The following NEDD4 variants were observed in gnomAD, a reference collection of about 807,000 sequenced individuals.
NEDD4 encodes E3 ubiquitin-protein ligase NEDD4.
Under a neutral mutation model 144.9 loss-of-function variants are expected in NEDD4, and 99 were observed. The ratio of observed to expected loss-of-function variants is 0.68; its 90% CI spans 0.58 to 0.81. The LOEUF is 0.81. Among genes scored for constraint, NEDD4 ranks in the 30% least tolerant of loss-of-function variants. The pLI is 0.00. For synonymous variants in NEDD4, 318 were observed against 350.6 expected, an observed-to-expected ratio of 0.91 and a Z score of 1.04; for missense variants, 985 against 1,065.9, an observed-to-expected ratio of 0.92 and a Z score of 1.06.
chr15:55,964,692 GGTGT>G (rs58177503), intron 2 of NEDD4, among the ~76,000 whole-genome samples: 74,950 of 136,890 alleles, frequency 0.55, 20,315 homozygotes, highest in East Asian at 0.7. Context: ...TTTTGCTGCT[GGTGT>G]GTGTGTGTGT....
Position 55,860,785 on chromosome 15 carries a change from TG to T in NEDD4, c.675-8del. 6.2e-7 allele frequency: 1 copy of T among 1,611,784 alleles called. No individual in the cohort carries two copies. Among genetic ancestry groups the T allele is most frequent in the South Asian group, 1.1e-5 (1 of 90,828 alleles). On this transcript the variant is annotated splice_polypyrimidine_tract_variant and splice_region_variant and intron_variant, in intron 9 of 28. Coordinates refer to ENST00000435532, the MANE Select transcript of NEDD4 (RefSeq NM_006154.4). ...AGCATCTGTTAGGTTGTCCCTATAT[TG>T]GAAGTATAAAAAGCCATCATCCATG...
chr15:55,891,339 G>C (rs1349284779), intron 5 of NEDD4, among the ~76,000 whole-genome samples: 1 of 152,174 alleles, frequency 6.6e-6, no homozygotes, highest in Admixed American at 6.5e-5. Flanking sequence ...AACTATCCTG[G>C]AAAGTCTGGG....
In NEDD4 at chr15:55,857,783, A is replaced by T. The variant is rs186439787; in HGVS notation, c.961-1587T>A. 3.1e-3 allele frequency among the ~76,000 whole-genome samples: 475 copies of T among 152,206 alleles called. 3 individuals are homozygous for T. Among genetic ancestry groups the T allele is most frequent in the African/African-American group, 0.01 (430 of 41,536 alleles). On this transcript the variant is annotated intron_variant, in intron 11 of 28. Coordinates refer to ENST00000435532, the MANE Select transcript of NEDD4 (RefSeq NM_006154.4). The stretch of plus-strand genomic sequence containing the variant: ...TACCAAGTCTTTACAAAAATTTTTT[A>T]AAAAAATTAGCAGGGGTACAATGGC...
chr15:55,843,198 T>C (rs2033593926), intron 18 of NEDD4, among the ~76,000 whole-genome samples: 2 of 152,208 alleles, frequency 1.3e-5, no homozygotes, highest in Non-Finnish European at 2.9e-5. Flanking sequence ...CTCTTCCTTT[T>C]GTAAATTGCC....
intron 2 of NEDD4, among the ~76,000 whole-genome samples, chr15:55,953,648 G>C (rs1489545244): frequency 6.6e-6 from 1 of 151,978 alleles, no homozygotes. Flanking sequence ...TGCCATCTTG[G>C]CCAGGCTGGT....
chr15:55,875,171 A>G (rs2034951345), intron 5 of NEDD4, among the ~76,000 whole-genome samples: 1 of 152,190 alleles, frequency 6.6e-6, no homozygotes, highest in African/African-American at 2.4e-5. Context: ...ATCATGGAAT[A>G]AGCAGACAAG....
At chr15:55,951,089 T>C (rs1431418544) in intron 4 of NEDD4, among the ~76,000 whole-genome samples, 1 of 152,166 alleles carries the variant, frequency 6.6e-6, no homozygotes, top group East Asian at 1.9e-4. Flanking sequence ...ATAAATATAA[T>C]TTGCATCATC....
Position 55,856,135 on chromosome 15 carries a change from G to A in NEDD4, c.1022C>T (p.Pro341Leu). 6.2e-7 allele frequency: 1 copy of A among 1,612,294 alleles called. No homozygotes were observed. The highest frequency in any genetic ancestry group is 8.5e-7 in the Non-Finnish European group (1 of 1,178,580). ...AYTFEEQPTL[P>L]VLLPTSSGLP... ...ATGGGAGAGGGTAAAACTCACCACA[G>A]GAAGTGTAGGTTGTTCCTCAAAAGT... Residue 341 changes from proline to leucine, a missense_variant, in exon 12 of 29, where the codon CCT becomes CTT. Physicochemically the swap from Pro to Leu is moderately conservative, Grantham distance 98 (BLOSUM62 -3). Transcript: ENST00000435532.
At position 55,931,828 on chromosome 15, in the gene NEDD4, A is replaced by G. The variant is rs77000091; in HGVS notation, c.238-7129T>C. Among the ~76,000 whole-genome samples the G allele has an allele frequency of 9.5e-3, 1,440 of 152,284 alleles. 37 individuals are homozygous for G. The highest frequency in any genetic ancestry group is 0.033 in the African/African-American group (1,382 of 41,558). ...ATTCAATGGTTTTTAATATATTCAG[A>G]GAATGTGCAACCATCACCACAATTT... On this transcript the variant is annotated intron_variant, in intron 4 of 28. Coordinates refer to ENST00000435532, the MANE Select transcript of NEDD4 (RefSeq NM_006154.4).
In NEDD4 at chr15:55,944,260, T is replaced by C. The variant is rs547699322; in HGVS notation, c.237+7116A>G. Reference sequence around the variant, plus strand: ...AAAAGAAGCTGTGATAAACTGTACCTGGAAAAACAGGACACTTCTGGCCAA... The same window carrying C: ...AAAAGAAGCTGTGATAAACTGTACCCGGAAAAACAGGACACTTCTGGCCAA... On this transcript the variant is annotated intron_variant, in intron 4 of 28. Coordinates refer to ENST00000435532, the MANE Select transcript of NEDD4 (RefSeq NM_006154.4). 3.8e-4 allele frequency among the ~76,000 whole-genome samples: 58 copies of C among 152,336 alleles called. 1 individual carries two copies. The highest frequency in any genetic ancestry group is 1.3e-3 in the African/African-American group (56 of 41,596).
chr15:55,969,056 T>C (rs1349745883), intron 1 of NEDD4, among the ~76,000 whole-genome samples: 1 of 152,164 alleles, frequency 6.6e-6, no homozygotes, highest in African/African-American at 2.4e-5. Context: ...AGTCTTGAAT[T>C]GCCCACACCA....
intron 1 of NEDD4, among the ~76,000 whole-genome samples, chr15:55,990,571 C>A (rs1355819529): frequency 2.6e-5 from 4 of 152,188 alleles, no homozygotes; most frequent in African/African-American, 7.2e-5. Context: ...TGCTTATCAG[C>A]AGAAAAAGCC....
chr15:55,917,462 T>TA (rs1377168318), intron 5 of NEDD4, among the ~76,000 whole-genome samples: 1 of 140,064 alleles, frequency 7.1e-6, no homozygotes, highest in Non-Finnish European at 1.6e-5. Context: ...TAGGGACTGT[T>TA]AATTTTTTTT....
intron 5 of NEDD4, among the ~76,000 whole-genome samples, chr15:55,890,486 T>C (rs2142118958): frequency 6.6e-6 from 1 of 152,344 alleles, no homozygotes; most frequent in East Asian, 1.9e-4. Flanking sequence ...TTATTTTACT[T>C]AGTATGTTTC....
chr15:55,921,257 T>C (rs546847531), intron 5 of NEDD4, among the ~76,000 whole-genome samples: 3 of 152,244 alleles, frequency 2.0e-5, no homozygotes, highest in Middle Eastern at 3.4e-3. Flanking sequence ...GGTTACAAGC[T>C]AATACCCCAA....
chr15:55,865,173 G>C (rs569483550), intron 8 of NEDD4, among the ~76,000 whole-genome samples: 2 of 149,354 alleles, frequency 1.3e-5, no homozygotes, highest in East Asian at 3.9e-4. Context: ...ATACCAGCCT[G>C]GGCGATAGAG....
In NEDD4 at chr15:55,840,728, C is replaced by T; in HGVS notation, c.1839-1G>A. The T allele has an allele frequency of 6.2e-7, 1 of 1,602,876 alleles. No homozygotes were observed. Among genetic ancestry groups the T allele is most frequent in the Non-Finnish European group, 8.5e-7 (1 of 1,176,828 alleles). ...ATTTATCTGTAGGGTATAATTGTCCCTGTAAAGACAACCCCATTTAAATAC... is the reference window on the plus strand; with the variant it reads ...ATTTATCTGTAGGGTATAATTGTCCTTGTAAAGACAACCCCATTTAAATAC... On this transcript the variant is annotated splice_acceptor_variant, in intron 19 of 28. Coordinates refer to ENST00000435532, the MANE Select transcript of NEDD4 (RefSeq NM_006154.4). LOFTEE classifies it high-confidence loss of function.
rs745470209 is a variant in NEDD4 at position 55,916,486 on chromosome 15, A to T, written c.291+8160T>A. ...CTGTAAATACCATCCTTCAAGATAC[A>T]AGTAAACGAAGCATCATCACTATCA... On this transcript the variant is annotated intron_variant, in intron 5 of 28. Transcript: ENST00000435532. 6 of 1,613,940 alleles carry T rather than the reference A, an allele frequency of 3.7e-6. No homozygotes were observed. The African/African-American group carries it at 8.0e-5, about 22-fold the overall frequency.
intron 5 of NEDD4, among the ~76,000 whole-genome samples, chr15:55,906,310 C>G (rs1317337192): frequency 6.6e-6 from 1 of 152,142 alleles, no homozygotes; most frequent in Non-Finnish European, 1.5e-5. Flanking sequence ...ATAAATCATG[C>G]TGCTATAAAG....
Sources: allele counts gnomAD v4.1 joint callset (sites outside exome capture counted in the v4.1 genomes callset), GRCh38; gene constraint gnomAD v4.1.1; transcripts MANE v1.5; gene names NCBI Gene and HGNC (gene_info 2026-07-23, HGNC 2026-07-21).